The following TTC3 variants were observed in gnomAD, a reference collection of about 807,000 sequenced individuals.
TTC3 encodes the protein tetratricopeptide repeat domain 3, also known as E3 ubiquitin-protein ligase TTC3.
Under a neutral mutation model 249.6 loss-of-function variants are expected in TTC3, and 180 were observed. That is an observed-to-expected ratio of 0.72 (90% CI 0.64 to 0.82). The LOEUF is 0.82. Among genes scored for constraint, TTC3 ranks in the 40% least tolerant of loss-of-function variants. The pLI is 0.00. For missense variants in TTC3, 2,061 were observed against 2,398.4 expected (o/e 0.86, Z 2.94); for synonymous variants, 717 against 805.0 (o/e 0.89, Z 1.85).
chr21:37,200,902 C>A (rs1056389743), intron 45 of TTC3, among the ~76,000 whole-genome samples: 2 of 152,184 alleles, frequency 1.3e-5, no homozygotes, highest in African/African-American at 4.8e-5. Flanking sequence ...ACAGCATGCT[C>A]ACTGAAAGGA....
chr21:37,156,848 A>G (rs2080140377), exon 28 of TTC3: 1 of 1,613,962 alleles, frequency 6.2e-7, no homozygotes, highest in Non-Finnish European at 8.5e-7. Context: ...TGCTAGAAGA[A>G]CACAGAGACA....
rs192029230 is a variant in TTC3, at chr21:37,146,350, G to A, written c.1894-1131G>A. On this transcript the variant is annotated intron_variant, in intron 21 of 45. Transcript: ENST00000355666. ...TCAAGACCAGCCTGGGCAACATGGC[G>A]AAACCCATCAATACAAAAATTAGCC... Among the ~76,000 whole-genome samples, 206 of 152,100 alleles carry A rather than the reference G, an allele frequency of 1.4e-3. 1 individual carries two copies. Among genetic ancestry groups the A allele is most frequent in the Non-Finnish European group, 1.7e-3 (113 of 67,968 alleles).
At chr21:37,140,903 A>G (rs143503190) in intron 20 of TTC3, among the ~76,000 whole-genome samples, 2 of 152,358 alleles carry the variant, frequency 1.3e-5, no homozygotes, top group Admixed American at 6.5e-5. Flanking sequence ...AGTCAACAAT[A>G]TAGTAATTTG....
At chr21:37,141,911 GT>G (rs1275412704) in intron 20 of TTC3, among the ~76,000 whole-genome samples, 1 of 152,186 alleles carries the variant, frequency 6.6e-6, no homozygotes, top group African/African-American at 2.4e-5. Flanking sequence ...CCATGATCAA[GT>G]GGGCTTCATC....
exon 46 of TTC3, chr21:37,202,965 G>A (rs982648914): frequency 1.3e-5 from 2 of 152,154 alleles, no homozygotes; most frequent in African/African-American, 2.4e-5. Context: ...ACGTGCATGA[G>A]GATCAGTTTG....
chr21:37,185,859 G>A, intron 37 of TTC3, 85 bp downstream of exon 37: 1 of 656,088 alleles, frequency 1.5e-6, no homozygotes, highest in Non-Finnish European at 2.3e-6. Flanking sequence ...GAAATATATT[G>A]TTGCTTGTCT....
chr21:37,097,966 A>G, intron 10 of TTC3: 1 of 713,874 alleles, frequency 1.4e-6, no homozygotes, highest in Non-Finnish European at 2.6e-6. Flanking sequence ...TAAAAAGAAG[A>G]AAATAAAAAT....
chr21:37,193,524 G>C (rs1053057466), intron 41 of TTC3, among the ~76,000 whole-genome samples: 5 of 152,194 alleles, frequency 3.3e-5, no homozygotes, highest in African/African-American at 7.2e-5. Flanking sequence ...TCTTGTAACA[G>C]ATATGTATAG....
intron 18 of TTC3, among the ~76,000 whole-genome samples, chr21:37,137,244 A>G (rs1472013186): frequency 6.6e-6 from 1 of 152,218 alleles, no homozygotes; most frequent in Non-Finnish European, 1.5e-5. Context: ...TTTAAGAAAC[A>G]TATTTTATAA....
At chr21:37,142,552 C>A (rs2078580860) in intron 20 of TTC3, among the ~76,000 whole-genome samples, 1 of 152,100 alleles carries the variant, frequency 6.6e-6, no homozygotes, top group African/African-American at 2.4e-5. Context: ...ATGTGAAGGA[C>A]CTCTTCAGGG....
chr21:37,108,401 C>T (rs141616546), exon 11 of TTC3: 69 of 1,610,418 alleles, frequency 4.3e-5, no homozygotes, highest in Middle Eastern at 1.7e-4. Flanking sequence ...GAAATGCACT[C>T]GGTGATGGAA....
At chr21:37,115,701 C>T (rs1309415368) in intron 11 of TTC3, among the ~76,000 whole-genome samples, 1 of 152,164 alleles carries the variant, frequency 6.6e-6, no homozygotes, top group African/African-American at 2.4e-5. Flanking sequence ...TGTTGTTTCT[C>T]CAACCTCACT....
chr21:37,128,881 C>A, intron 15 of TTC3, 122 bp from the exon 16 acceptor site: 1 of 578,752 alleles, frequency 1.7e-6, no homozygotes, highest in Non-Finnish European at 2.8e-6. Context: ...TGTAGTTACA[C>A]CCACGTACCA....
rs536741251 is a variant in TTC3 at position 37,135,486 on chromosome 21, T to G, written c.1550T>G (p.Leu517Arg). ...GCTGCACAGGCCTTTACAGAGTTGC[T>G]GAACGGTTTAGATCCTCAAAAAATA... The change falls in exon 18 of 46, where the codon CTG becomes CGG. Residue 517 changes from leucine (L) to arginine (R), a missense_variant. Physicochemically the swap from Leu to Arg is moderately radical, Grantham distance 102 (BLOSUM62 -2). Coordinates refer to ENST00000355666, the Ensembl canonical transcript of TTC3. 7 of 1,614,022 alleles carry G rather than the reference T, an allele frequency of 4.3e-6. No homozygotes were observed. In the East Asian group the frequency reaches 1.6e-4, roughly 36 times the overall value.
chr21:37,095,137 ATG>A (rs57682889), intron 8 of TTC3, among the ~76,000 whole-genome samples: 4,215 of 147,474 alleles, frequency 0.029, 188 homozygotes, highest in African/African-American at 0.09. Flanking sequence ...CTCTAAAAAT[ATG>A]TGTGTGTGTG....
chr21:37,151,109 GA>G (rs2079425565), intron 25 of TTC3, among the ~76,000 whole-genome samples: 1 of 151,976 alleles, frequency 6.6e-6, no homozygotes, highest in Non-Finnish European at 1.5e-5. Flanking sequence ...TCTAGTGGTT[GA>G]ATTTACAATT....
At chr21:37,115,727 C>G (rs1408686598) in intron 11 of TTC3, among the ~76,000 whole-genome samples, 2 of 152,206 alleles carry the variant, frequency 1.3e-5, no homozygotes, top group African/African-American at 2.4e-5. Context: ...TGCTCTGTCC[C>G]TGGTTCACTT....
At chr21:37,160,717 C>G in intron 29 of TTC3, 85 bp from the exon 30 acceptor site, 1 of 1,366,522 alleles carries the variant, frequency 7.3e-7, no homozygotes, top group South Asian at 1.3e-5. Flanking sequence ...TATGGCTAGT[C>G]TGTAAAAACT....
chr21:37,111,374 G>T (rs2075645044), intron 11 of TTC3, among the ~76,000 whole-genome samples: 2 of 152,050 alleles, frequency 1.3e-5, no homozygotes, highest in African/African-American at 4.8e-5. Flanking sequence ...CAAGCAAATG[G>T]AAAACGAAAA....
Sources: gnomAD v4.1 joint callset for allele counts (sites outside exome capture counted in the v4.1 genomes callset) on GRCh38, gnomAD v4.1.1 for gene constraint, MANE v1.5 for transcripts, NCBI Gene and HGNC (gene_info 2026-07-23, HGNC 2026-07-21) for gene names.